The following FANCL variants were observed in gnomAD, a reference collection of about 807,000 sequenced individuals.
FANCL encodes the protein FA complementation group L, also known as E3 ubiquitin-protein ligase FANCL.
Under a neutral mutation model 59.4 loss-of-function variants are expected in FANCL, and 69 were observed. The observed-to-expected ratio is 1.16, with a 90% CI of 0.96 to 1.42. FANCL has a LOEUF of 1.42. Among genes scored for constraint, FANCL ranks in the 40% most tolerant of loss-of-function variants. FANCL has a pLI of 0.00. For synonymous variants in FANCL, 180 were observed against 147.1 expected (o/e 1.22, Z -1.62); for missense variants, 519 against 447.2 (o/e 1.16, Z -1.45).
At chr2:58,198,721 T>C in intron 6 of FANCL, 59 bp from the exon 7 acceptor site, 1 of 1,388,714 alleles carries the variant, frequency 7.2e-7, no homozygotes, top group Non-Finnish European at 1.0e-6. Context: ...ATCACTGAGG[T>C]ATTTTAGAAA....
At chr2:58,202,698 A>C (rs946418492) in intron 6 of FANCL, among the ~76,000 whole-genome samples, 3 of 151,888 alleles carry the variant, frequency 2.0e-5, no homozygotes, top group Non-Finnish European at 4.4e-5. Context: ...AAAGTATAGA[A>C]AAAAGCAGAC....
chr2:58,203,353 T>C (rs1045627360), intron 6 of FANCL, among the ~76,000 whole-genome samples: 19 of 151,988 alleles, frequency 1.3e-4, no homozygotes, highest in African/African-American at 4.6e-4. Flanking sequence ...ACAATTGATC[T>C]TTTCATCACT....
At chr2:58,164,731 C>G (rs1012551232) in intron 8 of FANCL, among the ~76,000 whole-genome samples, 2 of 151,952 alleles carry the variant, frequency 1.3e-5, no homozygotes, top group Admixed American at 1.3e-4. Flanking sequence ...TACTACATTT[C>G]TTTGAAGAAA....
intron 4 of FANCL, among the ~76,000 whole-genome samples, 198 bp from the exon 5 acceptor site, chr2:58,222,240 G>A (rs1417143923): frequency 6.6e-6 from 1 of 151,978 alleles, no homozygotes; most frequent in African/African-American, 2.4e-5. Flanking sequence ...TGAAGGTCAT[G>A]CAAAATGTCA....
In FANCL at chr2:58,212,458, T is replaced by C. The variant is rs138240841; in HGVS notation, c.375-8232A>G. 6.7e-3 allele frequency among the ~76,000 whole-genome samples: 1,024 copies of C among 152,270 alleles called. 12 individuals are homozygous for C. The highest frequency in any genetic ancestry group is 0.023 in the African/African-American group (939 of 41,542). ...AACCAAACCATATCATAAAGTGATA[T>C]GTATTTCTTCCAAACTGGGACATAT... is the stretch of plus-strand genomic sequence containing the variant. On this transcript the variant is annotated intron_variant, in intron 5 of 13. Coordinates refer to ENST00000233741, the MANE Select transcript of FANCL (RefSeq NM_018062.4).
intron 4 of FANCL, among the ~76,000 whole-genome samples, chr2:58,225,237 A>C (rs1692877919): frequency 6.6e-6 from 1 of 151,748 alleles, no homozygotes; most frequent in Non-Finnish European, 1.5e-5. Context: ...TTAAAAAAAA[A>C]AACACTTTAG....
chr2:58,233,241 A>C (rs1693740237), intron 1 of FANCL, among the ~76,000 whole-genome samples: 1 of 117,876 alleles, frequency 8.5e-6, no homozygotes, highest in Non-Finnish European at 1.6e-5. Context: ...CGAAAAATAG[A>C]AGAACTATTC....
intron 5 of FANCL, among the ~76,000 whole-genome samples, chr2:58,204,979 CA>C (rs1690444353): frequency 6.6e-6 from 1 of 151,850 alleles, no homozygotes; most frequent in Non-Finnish European, 1.5e-5. Context: ...AAGCTACTGC[CA>C]AAAAGGTTCA....
intron 5 of FANCL, among the ~76,000 whole-genome samples, chr2:58,218,201 T>C (rs887281715): frequency 6.6e-6 from 1 of 152,052 alleles, no homozygotes; most frequent in South Asian, 2.1e-4. Flanking sequence ...TAAATTAATA[T>C]ATAATAAAGT....
chr2:58,191,001 CT>C (rs1688868243), intron 7 of FANCL, among the ~76,000 whole-genome samples: 1 of 151,692 alleles, frequency 6.6e-6, no homozygotes, highest in Non-Finnish European at 1.5e-5. Context: ...TGTCTTCAAC[CT>C]ATTGGATCTT....
At chr2:58,217,564 T>C (rs996915949) in intron 5 of FANCL, among the ~76,000 whole-genome samples, 1 of 151,902 alleles carries the variant, frequency 6.6e-6, no homozygotes, top group Admixed American at 6.6e-5. Flanking sequence ...TATAACAAAG[T>C]AGACATTAAG....
In FANCL at chr2:58,232,329, G is replaced by A. The variant is rs1359612251; in HGVS notation, c.97-217C>T. 3.3e-5 allele frequency among the ~76,000 whole-genome samples: 5 copies of A among 151,752 alleles called. No individual in the cohort carries two copies. In the South Asian group the frequency reaches 8.3e-4, roughly 25 times the overall value. ...TCTTACAAAAACTTTGTAGTTACTG[G>A]GAAATCAAAACACTCAGATAAGACT... On this transcript the variant is annotated intron_variant, in intron 1 of 13. Transcript: ENST00000233741.
At position 58,218,941 on chromosome 2, in the gene FANCL, A is replaced by AT. The variant is rs1445823831; in HGVS notation, c.374+3000dup. On this transcript the variant is annotated intron_variant, in intron 5 of 13. Transcript: ENST00000233741. ...TATGTACACGAGTTAGTATAAACACATTTGTTTTCCATTTTTCAGCTAAGA... is the reference window on the plus strand; with the variant it reads ...TATGTACACGAGTTAGTATAAACACATTTTGTTTTCCATTTTTCAGCTAAGA... Among the ~76,000 whole-genome samples the AT allele has an allele frequency of 1.7e-4, 25 of 150,766 alleles. No individual in the cohort carries two copies. The South Asian group carries it at 3.8e-3, about 23-fold the overall frequency.
intron 7 of FANCL, among the ~76,000 whole-genome samples, chr2:58,184,285 T>C (rs1243488779): frequency 3.3e-5 from 5 of 152,066 alleles, no homozygotes; most frequent in African/African-American, 1.2e-4. Context: ...ACCTTTTATA[T>C]GAGAATCAAA....
At chr2:58,214,385 T>G (rs1206544262) in intron 5 of FANCL, among the ~76,000 whole-genome samples, 1 of 152,198 alleles carries the variant, frequency 6.6e-6, no homozygotes, top group Non-Finnish European at 1.5e-5. Flanking sequence ...TGACTATTTC[T>G]CTTATAACTC....
intron 7 of FANCL, among the ~76,000 whole-genome samples, chr2:58,177,072 C>T (rs1327545908): frequency 6.6e-6 from 1 of 152,244 alleles, no homozygotes; most frequent in East Asian, 1.9e-4. Context: ...AAATCAAAAC[C>T]ACAACGAGAT....
At chr2:58,197,580 C>T (rs1313386382) in intron 7 of FANCL, among the ~76,000 whole-genome samples, 1 of 152,102 alleles carries the variant, frequency 6.6e-6, no homozygotes, top group Admixed American at 6.6e-5. Flanking sequence ...ATCATACCAC[C>T]TTATATCTAT....
intron 7 of FANCL, among the ~76,000 whole-genome samples, chr2:58,174,042 G>C (rs1204763646): frequency 1.3e-5 from 2 of 151,960 alleles, no homozygotes; most frequent in South Asian, 2.1e-4. Context: ...GACAAAGAAG[G>C]CCATTACATA....
intron 9 of FANCL, 127 bp downstream of exon 9, chr2:58,163,307 G>A (rs569825853): frequency 2.5e-6 from 2 of 787,912 alleles, no homozygotes; most frequent in South Asian, 3.2e-5. Context: ...GGCAACAAGA[G>A]CAAAACTCCG....
Sources: allele counts gnomAD v4.1 joint callset (sites outside exome capture counted in the v4.1 genomes callset), GRCh38; gene constraint gnomAD v4.1.1; transcripts MANE v1.5; gene names NCBI Gene and HGNC (gene_info 2026-07-23, HGNC 2026-07-21).